Variants in NCKAP5 observed in about 807,000 individuals in gnomAD.
NCKAP5 encodes the protein nck-associated protein 5.
Under a neutral mutation model 167.0 loss-of-function variants are expected in NCKAP5, and 92 were observed. The ratio of observed to expected loss-of-function variants is 0.55; its 90% CI spans 0.47 to 0.66. NCKAP5 has a LOEUF of 0.66. Among genes scored for constraint, NCKAP5 ranks in the 30% least tolerant of loss-of-function variants. NCKAP5 has a pLI of 0.00. For missense variants in NCKAP5, 2,378 were observed against 2,315.0 expected (o/e 1.03, Z -0.56); for synonymous variants, 891 against 877.4 (o/e 1.02, Z -0.27).
chr2:133,667,327 T>C, the NCKAP5 span, among the ~76,000 whole-genome samples: 1 of 152,016 alleles, frequency 6.6e-6, no homozygotes, highest in African/African-American at 2.4e-5. Context: ...CCAGCCTCTC[T>C]CTTTCCTCTC....
Position 132,785,368 on chromosome 2 carries a change from G to A in NCKAP5, c.1443C>T (p.Asp481=). 6.2e-7 allele frequency: 1 copy of A among 1,613,982 alleles called. No individual in the cohort carries two copies. The highest frequency in any genetic ancestry group is 8.5e-7 in the Non-Finnish European group (1 of 1,179,900). ...CTTGGAGCAATGCTAAGGTGGAAGGGTCATCGTCCGCATCAACGTGGGAAT... is the reference window on the plus strand; with the variant it reads ...CTTGGAGCAATGCTAAGGTGGAAGGATCATCGTCCGCATCAACGTGGGAAT... ...DLDSHVDADD[D]PSTLALLQAV... Residue 481 remains aspartate, a synonymous_variant, in exon 14 of 20, where the codon GAC becomes GAT. Coordinates refer to ENST00000409261, the MANE Select transcript of NCKAP5 (RefSeq NM_207363.3).
chr2:133,021,617 C>G (rs1204913439), intron 6 of NCKAP5, among the ~76,000 whole-genome samples: 1 of 152,082 alleles, frequency 6.6e-6, no homozygotes, highest in Non-Finnish European at 1.5e-5. Flanking sequence ...TGTGTAAACT[C>G]TAGTTTTTTT....
chr2:132,873,940 T>C (rs1343350603), intron 9 of NCKAP5, among the ~76,000 whole-genome samples: 1 of 152,096 alleles, frequency 6.6e-6, no homozygotes, highest in Non-Finnish European at 1.5e-5. Context: ...GGGAATCTGC[T>C]GGGTCCTGCA....
chr2:133,004,261 T>C (rs2077884603), intron 6 of NCKAP5, among the ~76,000 whole-genome samples: 5 of 152,224 alleles, frequency 3.3e-5, no homozygotes, highest in Admixed American at 3.3e-4. Context: ...ACAACAGGTC[T>C]ACAAAATGGG....
At chr2:133,270,927 T>C (rs2089480606) in intron 4 of NCKAP5, among the ~76,000 whole-genome samples, 2 of 143,180 alleles carry the variant, frequency 1.4e-5, no homozygotes, top group Middle Eastern at 3.5e-3. Flanking sequence ...TTTTTTTTTT[T>C]TTTCTTTTTT....
chr2:133,438,295 A>T (rs1690622587), intron 3 of NCKAP5, among the ~76,000 whole-genome samples: 1 of 152,156 alleles, frequency 6.6e-6, no homozygotes, highest in Non-Finnish European at 1.5e-5. Context: ...TATTACAAAT[A>T]TTTACTTTTT....
intron 3 of NCKAP5, among the ~76,000 whole-genome samples, chr2:133,389,607 C>A (rs756217206): frequency 2.2e-4 from 33 of 152,218 alleles, no homozygotes; most frequent in Non-Finnish European, 4.1e-4. Flanking sequence ...ACATCCAAAG[C>A]TGATAATTAA....
At chr2:133,152,331 C>T (rs1574198579) in intron 5 of NCKAP5, among the ~76,000 whole-genome samples, 1 of 152,124 alleles carries the variant, frequency 6.6e-6, no homozygotes, top group East Asian at 1.9e-4. Flanking sequence ...AACTAATTTC[C>T]TTTGCCCTGT....
chr2:133,507,389 A>T (rs1683106205), intron 3 of NCKAP5, among the ~76,000 whole-genome samples: 1 of 152,208 alleles, frequency 6.6e-6, no homozygotes, highest in Non-Finnish European at 1.5e-5. Context: ...GAAACCTACC[A>T]AGCTGAAAAC....
intron 3 of NCKAP5, among the ~76,000 whole-genome samples, chr2:133,390,204 C>T (rs1190575661): frequency 1.3e-5 from 2 of 152,220 alleles, no homozygotes; most frequent in Admixed American, 6.5e-5. Context: ...GTGTATATGT[C>T]GCAGGACAAG....
At chr2:133,017,367 G>A (rs1248907730) in intron 6 of NCKAP5, among the ~76,000 whole-genome samples, 1 of 152,132 alleles carries the variant, frequency 6.6e-6, no homozygotes, top group African/African-American at 2.4e-5. Context: ...AGCAGGGTCA[G>A]GGTTTAGAAG....
chr2:133,241,268 C>T (rs1260753383), intron 4 of NCKAP5, among the ~76,000 whole-genome samples: 1 of 152,124 alleles, frequency 6.6e-6, no homozygotes, highest in African/African-American at 2.4e-5. Flanking sequence ...GGTTTTATTT[C>T]AGTCGGCAGT....
chr2:132,897,955 G>C (rs541894266), intron 8 of NCKAP5, among the ~76,000 whole-genome samples: 1 of 152,164 alleles, frequency 6.6e-6, no homozygotes, highest in Non-Finnish European at 1.5e-5. Context: ...GGTGGCTATC[G>C]TAATTCCTTA....
At chr2:133,625,313 C>A in the NCKAP5 span, among the ~76,000 whole-genome samples, 1 of 152,104 alleles carries the variant, frequency 6.6e-6, no homozygotes, top group Non-Finnish European at 1.5e-5. Context: ...ATACATATTC[C>A]TTTACTCTGA....
the NCKAP5 span, among the ~76,000 whole-genome samples, chr2:133,604,534 G>A: frequency 2.6e-5 from 4 of 151,990 alleles, no homozygotes; most frequent in Non-Finnish European, 4.4e-5. Context: ...ATTAGGACAC[G>A]TGGGGGGAAT....
intron 11 of NCKAP5, among the ~76,000 whole-genome samples, chr2:132,820,387 G>A (rs993247964): frequency 2.0e-5 from 3 of 151,710 alleles, no homozygotes; most frequent in African/African-American, 7.3e-5. Flanking sequence ...CCGCCACCAC[G>A]CCCAGCTAAT....
intron 3 of NCKAP5, among the ~76,000 whole-genome samples, chr2:133,501,646 T>G (rs1421823073): frequency 6.6e-6 from 1 of 152,232 alleles, no homozygotes; most frequent in Non-Finnish European, 1.5e-5. Context: ...CATTTTTCAG[T>G]CAATGTGTTA....
chr2:133,145,252 T>G (rs1011703006), intron 5 of NCKAP5, among the ~76,000 whole-genome samples: 3 of 152,056 alleles, frequency 2.0e-5, no homozygotes, highest in Non-Finnish European at 2.9e-5. Flanking sequence ...AGTTTTATAT[T>G]TACTATGTGC....
intron 5 of NCKAP5, among the ~76,000 whole-genome samples, chr2:133,202,654 T>A (rs1490434740): frequency 6.6e-6 from 1 of 152,058 alleles, no homozygotes; most frequent in African/African-American, 2.4e-5. Context: ...AAAGGGCTAA[T>A]ATCCAGAATC....
Sources: gnomAD v4.1 joint callset for allele counts (sites outside exome capture counted in the v4.1 genomes callset) on GRCh38, gnomAD v4.1.1 for gene constraint, MANE v1.5 for transcripts, NCBI Gene and HGNC (gene_info 2026-07-23, HGNC 2026-07-21) for gene names.